The following SPON1 variants were observed in gnomAD, a reference collection of about 807,000 sequenced individuals.
The protein encoded by SPON1 is spondin 1, also known as spondin-1.
SPON1 carries 52 observed loss-of-function variants against 111.7 expected under a neutral mutation model. The ratio of observed to expected loss-of-function variants is 0.47; its 90% CI spans 0.37 to 0.59. The LOEUF (loss-of-function observed/expected upper bound fraction) is 0.59. SPON1 is among the 20% of genes least tolerant of loss of function. The pLI is 0.00. For missense variants in SPON1, 957 were observed against 1,068.5 expected, an observed-to-expected ratio of 0.90 and a Z score of 1.46; for synonymous variants, 410 against 395.8, an observed-to-expected ratio of 1.04 and a Z score of -0.43.
chr11:14,159,243 A>AT (rs35062673), intron 6 of SPON1, among the ~76,000 whole-genome samples: 2 of 152,100 alleles, frequency 1.3e-5, no homozygotes, highest in African/African-American at 4.8e-5. Flanking sequence ...ATTATTAAAA[A>AT]TTTTTTTGAT....
chr11:14,187,955 AT>A (rs1358325188), intron 6 of SPON1, among the ~76,000 whole-genome samples: 3 of 152,002 alleles, frequency 2.0e-5, no homozygotes, highest in African/African-American at 4.8e-5. Context: ...CTAATTTTGT[AT>A]TATTAGTAGA....
chr11:14,028,762 C>T (rs1424194894), intron 2 of SPON1, among the ~76,000 whole-genome samples: 2 of 152,126 alleles, frequency 1.3e-5, no homozygotes, highest in Admixed American at 1.3e-4. Context: ...TAGCCATTTT[C>T]CACATAAGGA....
At chr11:14,049,125 C>T (rs781988061) in intron 3 of SPON1, among the ~76,000 whole-genome samples, 3 of 152,170 alleles carry the variant, frequency 2.0e-5, no homozygotes, top group Admixed American at 2.0e-4. Context: ...GAGTAAGTGA[C>T]AGAGTTGGGA....
chr11:14,253,406 C>T (rs1554940825), intron 7 of SPON1, among the ~76,000 whole-genome samples: 1 of 152,242 alleles, frequency 6.6e-6, no homozygotes, highest in East Asian at 1.9e-4. Context: ...TATGTGATCA[C>T]CATTTTAAAG....
At chr11:14,243,878 A>C (rs1410881865) in intron 7 of SPON1, among the ~76,000 whole-genome samples, 1 of 152,150 alleles carries the variant, frequency 6.6e-6, no homozygotes, top group Non-Finnish European at 1.5e-5. Flanking sequence ...GACAGTCCCC[A>C]AAACTACCTC....
chr11:14,080,639 A>G (rs180680987), intron 5 of SPON1, among the ~76,000 whole-genome samples: 5 of 152,362 alleles, frequency 3.3e-5, no homozygotes, highest in East Asian at 1.9e-4. Context: ...GACCCTGTCC[A>G]TGAATTCCAT....
intron 6 of SPON1, among the ~76,000 whole-genome samples, chr11:14,184,071 G>A (rs1444819146): frequency 2.0e-5 from 3 of 152,066 alleles, no homozygotes; most frequent in Non-Finnish European, 2.9e-5. Flanking sequence ...TCCAGCCCAC[G>A]GCCCAGAACT....
chr11:14,085,237 G>A (rs1206033368), intron 5 of SPON1, among the ~76,000 whole-genome samples: 2 of 152,176 alleles, frequency 1.3e-5, no homozygotes, highest in African/African-American at 2.4e-5. Flanking sequence ...TGTCCTGAAT[G>A]ATATTGCCTA....
At chr11:14,128,819 C>T (rs1296692141) in intron 5 of SPON1, among the ~76,000 whole-genome samples, 1 of 152,262 alleles carries the variant, frequency 6.6e-6, no homozygotes, top group East Asian at 1.9e-4. Context: ...GTCCCCAAAC[C>T]TCAATTCTTG....
At chr11:14,029,372 G>C (rs750339686) in intron 2 of SPON1, among the ~76,000 whole-genome samples, 12 of 152,302 alleles carry the variant, frequency 7.9e-5, no homozygotes, top group South Asian at 2.1e-4. Flanking sequence ...TCAATGCACA[G>C]TGATTATAAT....
At chr11:14,240,950 G>C (rs1375292817) in intron 6 of SPON1, among the ~76,000 whole-genome samples, 4 of 152,082 alleles carry the variant, frequency 2.6e-5, no homozygotes, top group Non-Finnish European at 4.4e-5. Context: ...AGTGTACATA[G>C]TATGTAGTAC....
At position 14,127,760 on chromosome 11, in the gene SPON1, T is replaced by C. The variant is rs143322754; in HGVS notation, c.677-7660T>C. On this transcript the variant is annotated intron_variant, in intron 5 of 15. Transcript: ENST00000576479. ...TGTATTAGTCCATTTTCACATGATA[T>C]AAAGAACTACCTGAGACTCTAATGT... Among the ~76,000 whole-genome samples, 305 of 152,278 alleles carry C rather than the reference T, an allele frequency of 2.0e-3. 1 individual carries two copies. Among genetic ancestry groups the C allele is most frequent in the African/African-American group, 6.9e-3 (288 of 41,542 alleles).
intron 6 of SPON1, among the ~76,000 whole-genome samples, chr11:14,240,389 A>G (rs1192541770): frequency 2.6e-5 from 4 of 152,214 alleles, no homozygotes; most frequent in African/African-American, 7.2e-5. Context: ...TAAGCTGTTG[A>G]CCCTGCAGAT....
At chr11:14,207,286 A>G (rs775165919) in intron 6 of SPON1, among the ~76,000 whole-genome samples, 6 of 152,134 alleles carry the variant, frequency 3.9e-5, no homozygotes, top group Non-Finnish European at 7.4e-5. Flanking sequence ...CCTAGGCAAT[A>G]CCATTTAGGA....
chr11:14,257,079 CAG>C lies in SPON1; in HGVS notation c.1309+390_1309+391del, dbSNP rs541859979. ...AGATCCTACAATCAGGAGGGAGCGA[CAG>C]AGTCATGGTTCAAGCTCAAGTTTTC... On this transcript the variant is annotated intron_variant, in intron 10 of 15. Transcript: ENST00000576479. 7.5e-4 allele frequency among the ~76,000 whole-genome samples: 114 copies of C among 152,274 alleles called. 1 individual carries two copies. The highest frequency in any genetic ancestry group is 1.9e-3 in the South Asian group (9 of 4,824).
At chr11:14,065,339 A>C (rs1564897123) in intron 3 of SPON1, among the ~76,000 whole-genome samples, 1 of 152,226 alleles carries the variant, frequency 6.6e-6, no homozygotes, top group Non-Finnish European at 1.5e-5. Context: ...CGAACTGCGG[A>C]GAGTAATGAC....
chr11:14,105,428 T>G (rs1437229182), intron 5 of SPON1, among the ~76,000 whole-genome samples: 2 of 152,296 alleles, frequency 1.3e-5, no homozygotes, highest in East Asian at 3.9e-4. Context: ...CTACCATTGT[T>G]TACTCCTTCC....
chr11:13,964,054 G>A (rs975151553), intron 1 of SPON1, among the ~76,000 whole-genome samples: 2 of 152,186 alleles, frequency 1.3e-5, no homozygotes, highest in East Asian at 3.9e-4. Context: ...AGCCTCCTAG[G>A]CGGGACAGGC....
intron 6 of SPON1, among the ~76,000 whole-genome samples, chr11:14,155,051 T>G (rs942536476): frequency 6.6e-6 from 1 of 152,206 alleles, no homozygotes; most frequent in Non-Finnish European, 1.5e-5. Context: ...CATCTCCATC[T>G]GAGACCTTAG....
Sources: allele counts gnomAD v4.1 joint callset (sites outside exome capture counted in the v4.1 genomes callset), GRCh38; gene constraint gnomAD v4.1.1; transcripts MANE v1.5; gene names NCBI Gene and HGNC (gene_info 2026-07-23, HGNC 2026-07-21).